Variants in GALNTL6 observed in about 807,000 individuals in gnomAD.
The protein encoded by GALNTL6 is polypeptide N-acetylgalactosaminyltransferase-like 6.
Under a neutral mutation model 73.7 loss-of-function variants are expected in GALNTL6, and 46 were observed. That is an observed-to-expected ratio of 0.62 (90% CI 0.49 to 0.80). GALNTL6 has a LOEUF of 0.80. Ranked by LOEUF, GALNTL6 falls within the 30% of genes least tolerant of loss-of-function variation. The pLI, the probability that GALNTL6 is intolerant of heterozygous loss-of-function variation, is 0.00. For synonymous variants in GALNTL6, 259 were observed against 263.7 expected (o/e 0.98, Z 0.17); for missense variants, 604 against 755.0 (o/e 0.80, Z 2.34).
At chr4:172,133,713 A>G (rs1733560968) in intron 2 of GALNTL6, among the ~76,000 whole-genome samples, 1 of 152,180 alleles carries the variant, frequency 6.6e-6, no homozygotes, top group African/African-American at 2.4e-5. Context: ...AGTATCATGG[A>G]TAGAGAACCA....
intron 2 of GALNTL6, among the ~76,000 whole-genome samples, chr4:172,029,122 CTT>C (rs150356261): frequency 0.015 from 2,265 of 151,882 alleles, 56 homozygotes; most frequent in African/African-American, 0.051. Context: ...AAGAAATGGT[CTT>C]TTTTCAATTA....
intron 2 of GALNTL6, among the ~76,000 whole-genome samples, chr4:172,057,716 AAAAAAAAAAAAATATATATATAT>A (rs1731062836): frequency 9.3e-6 from 1 of 108,076 alleles, no homozygotes; most frequent in African/African-American, 3.6e-5. Context: ...AAAAAAAAAA[AAAAAAAAAAAAATATATATATAT>A]ATATATATAT....
chr4:172,844,067 A>AAAAT (rs1743361202), intron 7 of GALNTL6, among the ~76,000 whole-genome samples: 2 of 152,352 alleles, frequency 1.3e-5, no homozygotes, highest in Admixed American at 6.5e-5. Flanking sequence ...TTGAAAAATA[A>AAAAT]AAATAAATAA....
intron 7 of GALNTL6, among the ~76,000 whole-genome samples, chr4:172,863,670 A>T (rs184310332): frequency 5.9e-5 from 9 of 151,820 alleles, no homozygotes; most frequent in African/African-American, 2.2e-4. Flanking sequence ...GCCTTGTCTC[A>T]GGTGAGACTT....
chr4:172,418,842 G>A (rs1312122378), intron 5 of GALNTL6, among the ~76,000 whole-genome samples: 1 of 152,044 alleles, frequency 6.6e-6, no homozygotes. Context: ...AGCATTGTCC[G>A]GAGTCATCAA....
chr4:171,882,769 G>T (rs1347288293), intron 2 of GALNTL6, among the ~76,000 whole-genome samples: 16 of 152,098 alleles, frequency 1.1e-4, no homozygotes, highest in Admixed American at 4.6e-4. Context: ...ATCTTCTTTG[G>T]CAACACCCTC....
At chr4:172,859,041 G>C (rs542802664) in intron 7 of GALNTL6, among the ~76,000 whole-genome samples, 3 of 82,704 alleles carry the variant, frequency 3.6e-5, no homozygotes, top group African/African-American at 8.8e-5. Context: ...AGCTGGAGTG[G>C]TCAGGAAAAA....
At chr4:172,683,127 G>C (rs778305454) in intron 5 of GALNTL6, among the ~76,000 whole-genome samples, 1 of 152,154 alleles carries the variant, frequency 6.6e-6, no homozygotes, top group South Asian at 2.1e-4. Context: ...TTGTTGAGAC[G>C]TTTTGGCCAA....
intron 8 of GALNTL6, among the ~76,000 whole-genome samples, chr4:172,889,568 C>T (rs1745909591): frequency 6.6e-6 from 1 of 152,088 alleles, no homozygotes; most frequent in Non-Finnish European, 1.5e-5. Flanking sequence ...TATTGATTTG[C>T]ATATGTTGAA....
At chr4:172,185,287 T>A (rs958530433) in intron 2 of GALNTL6, among the ~76,000 whole-genome samples, 1 of 152,230 alleles carries the variant, frequency 6.6e-6, no homozygotes, top group African/African-American at 2.4e-5. Context: ...GCTTTTTTAC[T>A]ATGACAGTGA....
At chr4:172,254,258 C>A (rs1266084552) in intron 3 of GALNTL6, among the ~76,000 whole-genome samples, 3 of 151,706 alleles carry the variant, frequency 2.0e-5, no homozygotes. Flanking sequence ...AAAATTAGAA[C>A]AACTCACACT....
intron 3 of GALNTL6, among the ~76,000 whole-genome samples, chr4:172,280,709 G>A (rs1382870646): frequency 1.3e-5 from 2 of 151,936 alleles, no homozygotes; most frequent in Non-Finnish European, 2.9e-5. Flanking sequence ...GGACTTTATT[G>A]CAAGAGTTCT....
chr4:172,426,969 A>G (rs936512413), intron 5 of GALNTL6, among the ~76,000 whole-genome samples: 4 of 151,972 alleles, frequency 2.6e-5, no homozygotes, highest in African/African-American at 9.7e-5. Context: ...CTGTGGGTCA[A>G]TGTGGTTATC....
chr4:171,980,381 G>T lies in GALNTL6; in HGVS notation c.138+165663G>T, dbSNP rs574583623. Among the ~76,000 whole-genome samples the T allele has an allele frequency of 2.0e-5, 3 of 152,226 alleles. No homozygotes were observed. The South Asian group carries it at 6.2e-4, about 32-fold the overall frequency. On this transcript the variant is annotated intron_variant, in intron 2 of 12. Coordinates refer to ENST00000506823, the MANE Select transcript of GALNTL6 (RefSeq NM_001034845.3). ...GAGAAGTTAATATCCAGGAAGGGTC[G>T]ATTGAAAGACTTTAGCATGTTGAAA...
intron 11 of GALNTL6, among the ~76,000 whole-genome samples, chr4:173,018,350 TA>T (rs1365775286): frequency 6.6e-6 from 1 of 152,210 alleles, no homozygotes; most frequent in Non-Finnish European, 1.5e-5. Context: ...TTTGAGAGAC[TA>T]AAAAGAGATT....
Position 172,069,369 on chromosome 4 carries a change from GTA to G in GALNTL6, c.139-160279_139-160278del, listed in dbSNP as rs528372225. Among the ~76,000 whole-genome samples, 84 of 94,518 alleles carry G rather than the reference GTA, an allele frequency of 8.9e-4. 26 individuals are homozygous for G. The highest frequency in any genetic ancestry group is 2.2e-3 in the African/African-American group (54 of 24,992). The allele number at this position is 94,518 out of a possible 152,430, so 62.0% of individuals were successfully genotyped here. ...AATCAATTATAAATATATGTAGTGTGTATATATATGTGTGTGTACATATGTGT... is the reference window on the plus strand; with the variant it reads ...AATCAATTATAAATATATGTAGTGTGTATATATGTGTGTGTACATATGTGT... On this transcript the variant is annotated intron_variant, in intron 2 of 12. Coordinates refer to ENST00000506823, the MANE Select transcript of GALNTL6 (RefSeq NM_001034845.3).
chr4:172,417,660 TA>T (rs1171856394), intron 5 of GALNTL6, among the ~76,000 whole-genome samples: 3 of 151,906 alleles, frequency 2.0e-5, no homozygotes, highest in Non-Finnish European at 2.9e-5. Flanking sequence ...AAAAAAATAA[TA>T]AAAAAATTAA....
intron 8 of GALNTL6, among the ~76,000 whole-genome samples, chr4:172,896,813 G>A (rs368438923): frequency 6.6e-6 from 1 of 152,188 alleles, no homozygotes; most frequent in African/African-American, 2.4e-5. Context: ...AACACAGCAA[G>A]TTCCTGCACA....
chr4:172,443,860 G>C (rs1731925637), intron 5 of GALNTL6, among the ~76,000 whole-genome samples: 1 of 152,192 alleles, frequency 6.6e-6, no homozygotes, highest in Non-Finnish European at 1.5e-5. Flanking sequence ...TGGCCCGGAT[G>C]TTGGGAAACT....
Sources: allele counts gnomAD v4.1 joint callset (sites outside exome capture counted in the v4.1 genomes callset), GRCh38; gene constraint gnomAD v4.1.1; transcripts MANE v1.5; gene names NCBI Gene and HGNC (gene_info 2026-07-23, HGNC 2026-07-21).